CSMD3: variants seen among roughly 807,000 people sequenced by gnomAD.
CSMD3 encodes CUB and Sushi multiple domains 3, also known as CUB and sushi domain-containing protein 3.
Under a neutral mutation model 435.2 loss-of-function variants are expected in CSMD3, and 177 were observed. The observed-to-expected ratio is 0.41, with a 90% CI of 0.36 to 0.46. CSMD3 has a LOEUF of 0.46. Ranked by LOEUF, CSMD3 falls within the 20% of genes least tolerant of loss-of-function variation. The probability of loss-of-function intolerance (pLI) is 0.34; values close to 1 mark genes in which losing one functional copy is unlikely to be tolerated. For missense variants in CSMD3, 4,265 were observed against 4,504.6 expected, an observed-to-expected ratio of 0.95 and a Z score of 1.52; for synonymous variants, 1,656 against 1,520.5, an observed-to-expected ratio of 1.09 and a Z score of -2.07.
chr8:112,869,731 A>G (rs1293432825), intron 10 of CSMD3, among the ~76,000 whole-genome samples: 1 of 152,230 alleles, frequency 6.6e-6, no homozygotes, highest in Non-Finnish European at 1.5e-5. Context: ...TGTCCTTTGC[A>G]GGGACATGGA....
chr8:112,337,280 C>A (rs1416096324), intron 43 of CSMD3, among the ~76,000 whole-genome samples: 1 of 151,924 alleles, frequency 6.6e-6, no homozygotes, highest in Non-Finnish European at 1.5e-5. Context: ...CCACATGCAC[C>A]CCCTTCCCTT....
Position 112,596,322 on chromosome 8 carries a change from A to T in CSMD3, c.3716-9087T>A, listed in dbSNP as rs199963471. Among the ~76,000 whole-genome samples the T allele has an allele frequency of 1.6e-3, 247 of 152,210 alleles. 1 individual carries two copies. The highest frequency in any genetic ancestry group is 8.7e-3 in the South Asian group (42 of 4,816). On this transcript the variant is annotated intron_variant, in intron 22 of 70. Transcript: ENST00000297405. ...GTTCAACAAGAAGAGCTAACTATCC[A>T]AAATATATATGCACCCAATACAGGA...
At chr8:113,009,927 A>G (rs1385424966) in intron 6 of CSMD3, among the ~76,000 whole-genome samples, 1 of 151,792 alleles carries the variant, frequency 6.6e-6, no homozygotes, top group Non-Finnish European at 1.5e-5. Context: ...TTTCACTAGT[A>G]TACATACAGT....
At chr8:113,070,381 T>C (rs1443982982) in intron 5 of CSMD3, among the ~76,000 whole-genome samples, 1 of 152,072 alleles carries the variant, frequency 6.6e-6, no homozygotes, top group East Asian at 1.9e-4. Flanking sequence ...CATTAAGTAG[T>C]ACATCAATAG....
At chr8:113,248,157 G>A (rs2093295394) in intron 3 of CSMD3, among the ~76,000 whole-genome samples, 2 of 151,900 alleles carry the variant, frequency 1.3e-5, no homozygotes, top group African/African-American at 4.8e-5. Context: ...GGTATTTTAT[G>A]AGTGGTGATA....
intron 3 of CSMD3, among the ~76,000 whole-genome samples, chr8:113,222,697 T>C (rs1192030542): frequency 6.6e-6 from 1 of 151,070 alleles, no homozygotes; most frequent in Non-Finnish European, 1.5e-5. Context: ...AAGGTTGCTT[T>C]CATATCATTT....
intron 5 of CSMD3, among the ~76,000 whole-genome samples, chr8:113,027,009 T>C (rs192351879): frequency 1.3e-5 from 2 of 152,306 alleles, no homozygotes; most frequent in African/African-American, 4.8e-5. Context: ...TGAATTATGC[T>C]AATTAAGTAC....
intron 31 of CSMD3, among the ~76,000 whole-genome samples, chr8:112,474,049 T>C (rs1226577217): frequency 6.6e-6 from 1 of 152,104 alleles, no homozygotes. Flanking sequence ...AATTTATTAT[T>C]CCCCTCAAAC....
intron 13 of CSMD3, among the ~76,000 whole-genome samples, chr8:112,701,039 A>G (rs1187972747): frequency 1.3e-5 from 2 of 152,050 alleles, no homozygotes; most frequent in Admixed American, 6.6e-5. Flanking sequence ...TGATTCTCCA[A>G]TTTCTCTGTT....
rs192315952 is a variant in CSMD3, at chr8:112,565,437, C to T, written c.4042+8064G>A. Reference sequence around the variant, plus strand: ...ATTAAAGACTAATTTATTGTATATTCACAAGGCTAGTATGCAAGAAAAAGC... The same window carrying T: ...ATTAAAGACTAATTTATTGTATATTTACAAGGCTAGTATGCAAGAAAAAGC... On this transcript the variant is annotated intron_variant, in intron 24 of 70. Coordinates refer to ENST00000297405, the MANE Select transcript of CSMD3 (RefSeq NM_198123.2). Among the ~76,000 whole-genome samples the T allele has an allele frequency of 2.5e-3, 384 of 152,152 alleles. 2 individuals are homozygous for T. Among genetic ancestry groups the T allele is most frequent in the African/African-American group, 9.0e-3 (372 of 41,542 alleles).
chr8:112,440,346 T>C (rs1234007054), intron 32 of CSMD3, among the ~76,000 whole-genome samples: 1 of 152,192 alleles, frequency 6.6e-6, no homozygotes. Flanking sequence ...CCCATATCCC[T>C]GGGCAGCTCT....
At chr8:112,893,621 T>A (rs1454261128) in intron 10 of CSMD3, among the ~76,000 whole-genome samples, 3 of 151,658 alleles carry the variant, frequency 2.0e-5, no homozygotes, top group South Asian at 2.1e-4. Flanking sequence ...CCTTCCTCCA[T>A]ATTTTGCATA....
chr8:112,271,983 G>T (rs1817569696), intron 59 of CSMD3, among the ~76,000 whole-genome samples: 1 of 152,092 alleles, frequency 6.6e-6, no homozygotes, highest in South Asian at 2.1e-4. Flanking sequence ...GTGTGGGAGG[G>T]AACTATTAAT....
chr8:112,517,313 A>C (rs1823778773), intron 27 of CSMD3, 88 bp from the exon 28 acceptor site: 1 of 939,630 alleles, frequency 1.1e-6, no homozygotes, highest in Non-Finnish European at 1.6e-6. Context: ...TTAATTTTTA[A>C]AATTTTGGGG....
chr8:113,400,420 T>C (rs1405883958), intron 1 of CSMD3, among the ~76,000 whole-genome samples: 3 of 151,990 alleles, frequency 2.0e-5, no homozygotes, highest in Admixed American at 2.0e-4. Context: ...CATTACATTT[T>C]TCCCCCATTG....
At chr8:112,652,530 G>T (rs534308331) in intron 18 of CSMD3, among the ~76,000 whole-genome samples, 1 of 152,146 alleles carries the variant, frequency 6.6e-6, no homozygotes, top group South Asian at 2.1e-4. Flanking sequence ...TGAATATATG[G>T]GGTTAATAAT....
At chr8:113,184,720 C>A (rs1414686042) in intron 3 of CSMD3, among the ~76,000 whole-genome samples, 1 of 151,942 alleles carries the variant, frequency 6.6e-6, no homozygotes, top group Non-Finnish European at 1.5e-5. Flanking sequence ...CACTCAGGTG[C>A]AGGCTTTCGT....
chr8:113,141,577 A>C (rs28790705), intron 4 of CSMD3, among the ~76,000 whole-genome samples: 1 of 151,004 alleles, frequency 6.6e-6, no homozygotes, highest in African/African-American at 2.4e-5. Context: ...AAATGATAAA[A>C]ATTTTATACC....
rs758756191 is a variant in CSMD3, at chr8:112,241,852, ACACACG to A, written c.10403-73_10403-68del. 494 of 832,362 alleles carry A rather than the reference ACACACG, an allele frequency of 5.9e-4. 5 individuals are homozygous for A. The highest frequency in any genetic ancestry group is 2.3e-3 in the East Asian group (90 of 39,810). The allele number at this position is 832,362 out of a possible 1,614,324, so 51.6% of individuals were successfully genotyped here. A position where few individuals can be genotyped will look rare whatever the true frequency, so the allele number is the denominator to read the frequency against. On this transcript the variant is annotated intron_variant, in intron 65 of 70. Transcript: ENST00000297405. ...TAATTACATACACATGCGCACACACACACACGCACACACACACACAGTGTGATGCAC... is the reference window on the plus strand; with the variant it reads ...TAATTACATACACATGCGCACACACACACACACACACACAGTGTGATGCAC...
Sources: gnomAD v4.1 joint callset for allele counts (sites outside exome capture counted in the v4.1 genomes callset) on GRCh38, gnomAD v4.1.1 for gene constraint, MANE v1.5 for transcripts, NCBI Gene and HGNC (gene_info 2026-07-23, HGNC 2026-07-21) for gene names.